The following NELL1 variants were observed in gnomAD, a reference collection of about 807,000 sequenced individuals.
NELL1 encodes neural EGFL like 1, also known as protein kinase C-binding protein NELL1.
Under a neutral mutation model 107.4 loss-of-function variants are expected in NELL1, and 76 were observed. The observed-to-expected ratio is 0.71, with a 90% CI of 0.59 to 0.86. NELL1 has a LOEUF of 0.86. NELL1 is among the 40% of genes least tolerant of loss of function. NELL1 has a pLI of 0.00. For missense variants in NELL1, 1,024 were observed against 1,005.5 expected (o/e 1.02, Z -0.25); for synonymous variants, 353 against 341.2 (o/e 1.03, Z -0.38).
chr11:20,711,242 T>C (rs985999480), intron 2 of NELL1, among the ~76,000 whole-genome samples: 1 of 152,160 alleles, frequency 6.6e-6, no homozygotes, highest in African/African-American at 2.4e-5. Flanking sequence ...ATGAGCTTTT[T>C]CCACCCCTTT....
chr11:21,565,007 G>GACTT (rs1485649711), intron 17 of NELL1, among the ~76,000 whole-genome samples: 2 of 151,898 alleles, frequency 1.3e-5, no homozygotes, highest in Admixed American at 6.6e-5. Context: ...CTAAGAATAG[G>GACTT]ACTTACTCAC....
intron 16 of NELL1, among the ~76,000 whole-genome samples, chr11:21,547,505 A>T (rs1238898894): frequency 6.6e-6 from 1 of 151,986 alleles, no homozygotes; most frequent in African/African-American, 2.4e-5. Flanking sequence ...TTGTTTCATA[A>T]TATCAGTGTT....
intron 16 of NELL1, among the ~76,000 whole-genome samples, chr11:21,546,292 A>G (rs1856440688): frequency 6.6e-6 from 1 of 152,006 alleles, no homozygotes. Flanking sequence ...AATTCCATGT[A>G]GTTTCAGCTT....
chr11:21,435,903 A>G (rs569105982), intron 15 of NELL1, among the ~76,000 whole-genome samples: 1 of 152,260 alleles, frequency 6.6e-6, no homozygotes, highest in African/African-American at 2.4e-5. Flanking sequence ...TTAGAATAGT[A>G]TAAGAAAAAT....
At chr11:21,302,169 G>C (rs1849505546) in intron 14 of NELL1, among the ~76,000 whole-genome samples, 1 of 151,950 alleles carries the variant, frequency 6.6e-6, no homozygotes, top group Non-Finnish European at 1.5e-5. Context: ...AGGCTCAGCT[G>C]GGTGGTTCTT....
rs535509107 is a variant in NELL1 at position 20,978,062 on chromosome 11, T to G, written c.1300+17502T>G. Among the ~76,000 whole-genome samples the G allele has an allele frequency of 2.6e-5, 4 of 152,312 alleles. 1 individual carries two copies. The highest frequency in any genetic ancestry group is 7.2e-5 in the African/African-American group (3 of 41,570). On this transcript the variant is annotated intron_variant, in intron 12 of 19. Transcript: ENST00000357134. ...AATTGAGACTCACCCTAAGCTTACC[T>G]AGGAAGTTAAGTAGTAGAGTTAGAG...
intron 5 of NELL1, among the ~76,000 whole-genome samples, chr11:20,903,118 T>C (rs993506105): frequency 2.0e-5 from 3 of 152,122 alleles, no homozygotes; most frequent in Non-Finnish European, 2.9e-5. Flanking sequence ...TAAAATGGCA[T>C]ACTTTTTCAG....
chr11:21,055,597 G>A (rs10833450), intron 12 of NELL1, among the ~76,000 whole-genome samples: 1 of 151,836 alleles, frequency 6.6e-6, no homozygotes, highest in African/African-American at 2.4e-5. Context: ...TCTGTTATCT[G>A]TTCTAATTGA....
chr11:21,444,455 C>A (rs1853367911), intron 15 of NELL1, among the ~76,000 whole-genome samples: 1 of 152,090 alleles, frequency 6.6e-6, no homozygotes, highest in South Asian at 2.1e-4. Flanking sequence ...TATTCCTACC[C>A]AGCCTGTTTG....
intron 16 of NELL1, among the ~76,000 whole-genome samples, chr11:21,546,540 A>T (rs537378214): frequency 2.0e-5 from 3 of 151,956 alleles, no homozygotes; most frequent in Non-Finnish European, 2.9e-5. Flanking sequence ...TGCTACTCTC[A>T]TAATATAGAA....
intron 17 of NELL1, among the ~76,000 whole-genome samples, chr11:21,569,948 C>A (rs1000280872): frequency 1.3e-5 from 2 of 151,696 alleles, no homozygotes; most frequent in African/African-American, 4.8e-5. Flanking sequence ...ACAGACAGGT[C>A]TTACCTTAAA....
intron 13 of NELL1, among the ~76,000 whole-genome samples, chr11:21,196,586 G>C (rs1857158090): frequency 6.6e-6 from 1 of 151,802 alleles, no homozygotes; most frequent in South Asian, 2.1e-4. Context: ...ACCTTCCCCA[G>C]GCCTCTCTAT....
At chr11:21,130,425 C>T (rs1377601715) in intron 13 of NELL1, among the ~76,000 whole-genome samples, 1 of 152,104 alleles carries the variant, frequency 6.6e-6, no homozygotes, top group East Asian at 1.9e-4. Flanking sequence ...GACAGTATCC[C>T]TTCTAGAAGA....
chr11:21,460,004 A>T (rs1267284698), intron 15 of NELL1, among the ~76,000 whole-genome samples: 1 of 152,102 alleles, frequency 6.6e-6, no homozygotes, highest in Non-Finnish European at 1.5e-5. Context: ...CTGAATGCCC[A>T]CTTATCTAAC....
intron 13 of NELL1, among the ~76,000 whole-genome samples, chr11:21,217,409 A>G (rs550101866): frequency 5.7e-4 from 86 of 152,186 alleles, no homozygotes; most frequent in South Asian, 1.9e-3. Context: ...AGCTGGGTGA[A>G]GGGTACATAG....
chr11:20,879,121 A>G (rs981782396), intron 4 of NELL1, among the ~76,000 whole-genome samples: 1 of 152,100 alleles, frequency 6.6e-6, no homozygotes, highest in African/African-American at 2.4e-5. Flanking sequence ...TTCAGGATGG[A>G]TATGATGGGC....
chr11:21,147,856 A>G (rs1856019310), intron 13 of NELL1, among the ~76,000 whole-genome samples: 1 of 150,894 alleles, frequency 6.6e-6, no homozygotes, highest in Non-Finnish European at 1.5e-5. Context: ...AAAAAAAAAA[A>G]AAAAAAAAAG....
intron 14 of NELL1, among the ~76,000 whole-genome samples, chr11:21,261,070 T>C (rs749770695): frequency 5.9e-5 from 9 of 151,834 alleles, no homozygotes; most frequent in Non-Finnish European, 1.2e-4. Context: ...TATTCAGTTA[T>C]CAAAGGGTTG....
At chr11:20,904,514 C>T (rs1202879273) in intron 5 of NELL1, among the ~76,000 whole-genome samples, 1 of 152,072 alleles carries the variant, frequency 6.6e-6, no homozygotes, top group Non-Finnish European at 1.5e-5. Context: ...TCATGTAAAG[C>T]AAAGAGAAAA....
Sources: allele counts gnomAD v4.1 joint callset (sites outside exome capture counted in the v4.1 genomes callset), GRCh38; gene constraint gnomAD v4.1.1; transcripts MANE v1.5; gene names NCBI Gene and HGNC (gene_info 2026-07-23, HGNC 2026-07-21).